Variants in KCNIP3 observed in about 807,000 individuals in gnomAD.
The protein encoded by KCNIP3 is potassium voltage-gated channel interacting protein 3, also known as calsenilin.
A neutral mutation model predicts 35.0 loss-of-function variants in KCNIP3; 28 were observed. The observed-to-expected ratio is 0.80, with a 90% CI of 0.59 to 1.10. The LOEUF is 1.10. KCNIP3 is among the 50% of genes least tolerant of loss of function. KCNIP3 has a pLI of 0.00. For synonymous variants in KCNIP3, 134 were observed against 133.8 expected (o/e 1.00, Z -0.01); for missense variants, 295 against 338.4 (o/e 0.87, Z 1.01).
chr2:95,360,867 G>T (rs898794762), intron 2 of KCNIP3, among the ~76,000 whole-genome samples: 2 of 152,208 alleles, frequency 1.3e-5, no homozygotes, highest in Non-Finnish European at 2.9e-5. Context: ...CTTCTTACAG[G>T]TTCCACCTCT....
intron 2 of KCNIP3, among the ~76,000 whole-genome samples, chr2:95,373,479 G>A (rs1680089866): frequency 8.0e-6 from 1 of 125,422 alleles, no homozygotes. Context: ...CTGGAGTTCA[G>A]TGGCGCGATC....
intron 2 of KCNIP3, among the ~76,000 whole-genome samples, chr2:95,318,346 A>T (rs1678509794): frequency 6.6e-6 from 1 of 152,144 alleles, no homozygotes; most frequent in Admixed American, 6.5e-5. Context: ...CCCTCACTGG[A>T]AACCCTCTCC....
At chr2:95,364,923 A>G (rs1238611712) in intron 2 of KCNIP3, among the ~76,000 whole-genome samples, 1 of 152,068 alleles carries the variant, frequency 6.6e-6, no homozygotes, top group Non-Finnish European at 1.5e-5. Flanking sequence ...TGTCTCTATT[A>G]TAAATAAAAA....
chr2:95,375,046 G>A (rs547517052), intron 4 of KCNIP3, 92 bp from the exon 5 acceptor site: 34 of 1,513,840 alleles, frequency 2.2e-5, no homozygotes, highest in Admixed American at 1.8e-4. Context: ...AAGCCAGGAC[G>A]CAGTTAGCAC....
At chr2:95,320,674 G>A (rs1320175206) in intron 2 of KCNIP3, among the ~76,000 whole-genome samples, 1 of 152,142 alleles carries the variant, frequency 6.6e-6, no homozygotes, top group African/African-American at 2.4e-5. Flanking sequence ...CCACTGGCCA[G>A]TGTAGCCACA....
At position 95,349,873 on chromosome 2, in the gene KCNIP3, A is replaced by G. The variant is rs531388375; in HGVS notation, c.182-24423A>G. Among the ~76,000 whole-genome samples, 60 of 152,350 alleles carry G rather than the reference A, an allele frequency of 3.9e-4. No homozygotes were observed. In the East Asian group the frequency reaches 8.9e-3, roughly 23 times the overall value. On this transcript the variant is annotated intron_variant, in intron 2 of 8. Transcript: ENST00000295225. ...AGCTGCTGGGACGGCCCCGAGGGCC[A>G]TCAAGGGGATCTCATGTTGGCTTTG...
intron 2 of KCNIP3, chr2:95,346,944 G>A: frequency 2.0e-6 from 2 of 1,022,434 alleles, no homozygotes; most frequent in Admixed American, 3.1e-5. Flanking sequence ...GGGCTGCAGG[G>A]GCCCCGGTGC....
chr2:95,312,059 C>G (rs1388615870), intron 2 of KCNIP3: 1 of 152,148 alleles, frequency 6.6e-6, no homozygotes, highest in Non-Finnish European at 1.5e-5. Context: ...GGCTCAGGTC[C>G]ACTCTGACGG....
At chr2:95,342,448 G>A (rs188488199) in intron 2 of KCNIP3, among the ~76,000 whole-genome samples, 16 of 152,314 alleles carry the variant, frequency 1.1e-4, no homozygotes, top group African/African-American at 3.4e-4. Flanking sequence ...TCTTTGTTCC[G>A]TGAGAAGTGC....
Position 95,305,106 on chromosome 2 carries a change from GC to G in KCNIP3, c.16-5247del, listed in dbSNP as rs146905209. ...AGATCTTCTGGCTTCACTCGTCTCT[GC>G]CACTCAACCCTGGCCATCCTCTAAA... On this transcript the variant is annotated intron_variant, in intron 1 of 8. Coordinates refer to ENST00000295225, the MANE Select transcript of KCNIP3 (RefSeq NM_013434.5). Among the ~76,000 whole-genome samples, 1,005 of 152,302 alleles carry G rather than the reference GC, an allele frequency of 6.6e-3. 12 individuals carry two copies. Among genetic ancestry groups the G allele is most frequent in the African/African-American group, 0.023 (956 of 41,548 alleles).
At chr2:95,315,681 T>G (rs1478969325) in intron 2 of KCNIP3, among the ~76,000 whole-genome samples, 1 of 152,162 alleles carries the variant, frequency 6.6e-6, no homozygotes, top group Non-Finnish European at 1.5e-5. Flanking sequence ...TGGGCCTCAG[T>G]GTCACCTAGA....
At chr2:95,367,337 A>G (rs1244921274) in intron 2 of KCNIP3, among the ~76,000 whole-genome samples, 2 of 152,180 alleles carry the variant, frequency 1.3e-5, no homozygotes, top group African/African-American at 2.4e-5. Context: ...TCACAAAATT[A>G]TTTTAGCTAT....
intron 2 of KCNIP3, 24 bp from the exon 3 acceptor site, chr2:95,374,272 T>A (rs780093255): frequency 1.2e-6 from 2 of 1,611,870 alleles, no homozygotes; most frequent in East Asian, 2.2e-5. Flanking sequence ...GGCCTTACAC[T>A]CTCTGGTCTG....
intron 2 of KCNIP3, among the ~76,000 whole-genome samples, chr2:95,369,100 A>C (rs571932404): frequency 6.6e-6 from 1 of 152,340 alleles, no homozygotes; most frequent in African/African-American, 2.4e-5. Flanking sequence ...GATGTTAACT[A>C]TAGATTTTGT....
At chr2:95,323,961 C>G (rs1232273504) in intron 2 of KCNIP3, among the ~76,000 whole-genome samples, 1 of 152,184 alleles carries the variant, frequency 6.6e-6, no homozygotes, top group Non-Finnish European at 1.5e-5. Context: ...GGGCTTCTGA[C>G]TGCAGGTGCC....
intron 2 of KCNIP3, among the ~76,000 whole-genome samples, chr2:95,324,629 T>C (rs926164076): frequency 2.7e-5 from 4 of 148,246 alleles, no homozygotes; most frequent in African/African-American, 9.9e-5. Context: ...AATGACAGTT[T>C]TGGCCTGGCA....
At chr2:95,344,620 G>A (rs1432591195) in intron 2 of KCNIP3, among the ~76,000 whole-genome samples, 4 of 152,222 alleles carry the variant, frequency 2.6e-5, no homozygotes, top group Non-Finnish European at 5.9e-5. Context: ...AGGCAGAGAA[G>A]AGGGTTGGAG....
rs1180619696 is a variant in KCNIP3 at position 95,382,197 on chromosome 2, C to T, written c.556-180C>T. ...CACTTCTCTGGGAGATGAGCTTCCC[C>T]TAGAGTCAGAAGCTCGCTCTGGGTG... is the stretch of plus-strand genomic sequence containing the variant. On this transcript the variant is annotated intron_variant, in intron 6 of 8. Coordinates refer to ENST00000295225, the MANE Select transcript of KCNIP3 (RefSeq NM_013434.5). The surrounding 1 kb of genome is among the most constrained non-coding windows in gnomAD (Gnocchi z 4.5). Among the ~76,000 whole-genome samples, 1 of 152,208 alleles carries T rather than the reference C, an allele frequency of 6.6e-6. No individual in the cohort carries two copies. Among genetic ancestry groups the T allele is most frequent in the African/African-American group, 2.4e-5 (1 of 41,462 alleles).
chr2:95,297,516 T>TG, intron 1 of KCNIP3, 63 bp downstream of exon 1: 1 of 1,059,990 alleles, frequency 9.4e-7, no homozygotes, highest in Admixed American at 2.2e-5. Context: ...TGGAGGCTTC[T>TG]GGGGGTTGCT....
Sources: gnomAD v4.1 joint callset for allele counts (sites outside exome capture counted in the v4.1 genomes callset) on GRCh38, gnomAD v4.1.1 for gene constraint, Gnocchi (gnomAD v3.1) non-coding constraint, MANE v1.5 for transcripts, NCBI Gene and HGNC (gene_info 2026-07-23, HGNC 2026-07-21) for gene names.